ANO1: variants seen among roughly 807,000 people sequenced by gnomAD.
The protein encoded by ANO1 is anoctamin 1, also known as anoctamin-1.
ANO1 carries 59 observed loss-of-function variants against 124.0 expected under a neutral mutation model. The observed-to-expected ratio is 0.48, with a 90% confidence interval of 0.39 to 0.59. The LOEUF is 0.59. Ranked by LOEUF, ANO1 falls within the 20% of genes least tolerant of loss-of-function variation. The probability of loss-of-function intolerance (pLI) is 0.00; values close to 1 mark genes in which losing one functional copy is unlikely to be tolerated. For missense variants in ANO1, 1,059 were observed against 1,328.0 expected (o/e 0.80, Z 3.15); for synonymous variants, 529 against 532.0 (o/e 0.99, Z 0.08).
chr11:69,983,105 G>A (rs559914551), upstream of ANO1, among the ~76,000 whole-genome samples: 1 of 152,074 alleles, frequency 6.6e-6, no homozygotes, highest in African/African-American at 2.4e-5. Context: ...GCAGCATTGG[G>A]GAGCAGAGGA....
intron 1 of ANO1, among the ~76,000 whole-genome samples, chr11:70,045,981 A>C (rs1239141037): frequency 2.0e-5 from 3 of 152,182 alleles, no homozygotes; most frequent in African/African-American, 7.2e-5. Flanking sequence ...ACTGTTCAAA[A>C]ACCAAGTGAG....
At chr11:69,973,764 C>T in the ANO1 span, among the ~76,000 whole-genome samples, 2 of 151,220 alleles carry the variant, frequency 1.3e-5, no homozygotes, top group African/African-American at 2.4e-5. Flanking sequence ...CCCAGCTACT[C>T]GGGAGGCTAA....
chr11:70,180,788 A>G (rs912027847), intron 23 of ANO1, among the ~76,000 whole-genome samples: 3 of 152,252 alleles, frequency 2.0e-5, no homozygotes, highest in Admixed American at 6.5e-5. Flanking sequence ...AAAAAAGTTG[A>G]TTTTTCTCCT....
intron 1 of ANO1, among the ~76,000 whole-genome samples, chr11:69,996,275 C>T (rs1554998342): frequency 7.2e-5 from 11 of 152,210 alleles, no homozygotes. Context: ...AGTATGTTCA[C>T]ATCAGCATTC....
At chr11:70,173,553 C>T (rs2048556637) in intron 22 of ANO1, among the ~76,000 whole-genome samples, 1 of 152,208 alleles carries the variant, frequency 6.6e-6, no homozygotes, top group South Asian at 2.1e-4. Context: ...CATACCACAG[C>T]CCTCCATGGC....
At position 70,031,989 on chromosome 11, in the gene ANO1, G is replaced by C. The variant is rs114924634; in HGVS notation, c.58+45823G>C. 7.4e-3 allele frequency among the ~76,000 whole-genome samples: 1,121 copies of C among 152,216 alleles called. 14 individuals carry two copies. The highest frequency in any genetic ancestry group is 0.026 in the African/African-American group (1,072 of 41,518). ...CGGTCCATCATTTACTCACTGCTTC[G>C]TTGGACATATTCACTGTGGCTACTC... On this transcript the variant is annotated intron_variant, in intron 1 of 27. Transcript: ENST00000531349.
In ANO1 at chr11:70,149,748, C is replaced by G; in HGVS notation, c.1297C>G (p.Arg433Gly). The G allele has an allele frequency of 6.2e-7, 1 of 1,613,680 alleles. No individual in the cohort carries two copies. Residue 433 changes from arginine (R) to glycine (G), a missense_variant, in exon 12 of 26, where the codon CGA becomes GGA. Coordinates refer to ENST00000355303, the MANE Select transcript of ANO1 (RefSeq NM_018043.7). ...GGAGCACTGGAAGCGGAAACAGATGCGACTCAACTACCGCTGGGACCTCAC... is the reference window on the plus strand; with the variant it reads ...GGAGCACTGGAAGCGGAAACAGATGGGACTCAACTACCGCTGGGACCTCAC... ...FMEHWKRKQM[R>G]LNYRWDLTGF...
chr11:69,999,767 G>A (rs1375328295), intron 1 of ANO1, among the ~76,000 whole-genome samples: 1 of 152,146 alleles, frequency 6.6e-6, no homozygotes, highest in African/African-American at 2.4e-5. Context: ...TTTTCTTTCT[G>A]CTGCAAATTG....
In ANO1 at chr11:70,185,585, T is replaced by G. The variant is rs751381958; in HGVS notation, c.2589-5T>G. The G allele has an allele frequency of 1.2e-6, 2 of 1,612,630 alleles. No homozygotes were observed. Among genetic ancestry groups the G allele is most frequent in the Non-Finnish European group, 8.5e-7 (1 of 1,178,906 alleles). On this transcript the variant is annotated splice_polypyrimidine_tract_variant and splice_region_variant and intron_variant, in intron 24 of 25. Coordinates refer to ENST00000355303, the MANE Select transcript of ANO1 (RefSeq NM_018043.7). ...CACCCTCGACTCCACCACGGTCTTTTGCAGGTATAAAGACTACCGAGAGCC... is the reference window on the plus strand; with the variant it reads ...CACCCTCGACTCCACCACGGTCTTTGGCAGGTATAAAGACTACCGAGAGCC...
At chr11:70,109,289 G>A (rs2045678181) in intron 6 of ANO1, among the ~76,000 whole-genome samples, 1 of 152,200 alleles carries the variant, frequency 6.6e-6, no homozygotes, top group Non-Finnish European at 1.5e-5. Context: ...AAAATGAAGA[G>A]CAGTGGGAGT....
intron 17 of ANO1, 97 bp from the exon 18 acceptor site, chr11:70,161,525 G>A (rs1186462761): frequency 1.3e-5 from 19 of 1,435,496 alleles, no homozygotes; most frequent in Admixed American, 1.7e-5. Context: ...TATGAGAGCC[G>A]ACTGAGTGAC....
intron 12 of ANO1, among the ~76,000 whole-genome samples, chr11:70,150,113 G>A (rs1439744073): frequency 6.6e-6 from 1 of 152,174 alleles, no homozygotes; most frequent in Non-Finnish European, 1.5e-5. Flanking sequence ...TCTGGGGGCT[G>A]CCTGGGCTGT....
chr11:70,185,353 A>C (rs1209159106), intron 24 of ANO1, among the ~76,000 whole-genome samples: 1 of 152,190 alleles, frequency 6.6e-6, no homozygotes, highest in Non-Finnish European at 1.5e-5. Context: ...TGTGTTTTAC[A>C]TGAAGCCCGT....
chr11:69,998,929 CAA>C (rs1367085811), intron 1 of ANO1, among the ~76,000 whole-genome samples: 1 of 150,524 alleles, frequency 6.6e-6, no homozygotes, highest in African/African-American at 2.5e-5. Flanking sequence ...GCCTGGGCAA[CAA>C]GAGCAAAACT....
chr11:70,181,285 T>C (rs2048919398), intron 23 of ANO1, among the ~76,000 whole-genome samples: 1 of 152,042 alleles, frequency 6.6e-6, no homozygotes, highest in South Asian at 2.1e-4. Context: ...TGATGCCAAG[T>C]CAGGGTCTCA....
At chr11:70,075,038 G>A (rs541598065), upstream of ANO1, 21 of 152,340 alleles carry the variant, frequency 1.4e-4, no homozygotes, top group African/African-American at 3.8e-4. Context: ...AAGGCCATGC[G>A]GTTGGTTAAT....
intron 2 of ANO1, 35 bp from the exon 3 acceptor site, chr11:70,103,029 GCC>G (rs55698329): frequency 0.73 from 1,078,100 of 1,468,684 alleles, 398,389 homozygotes; most frequent in Middle Eastern, 0.81. Flanking sequence ...GAGATGCACC[GCC>G]CCCCCTCAAC....
At chr11:70,068,644 C>T (rs1197945796) in intron 1 of ANO1, among the ~76,000 whole-genome samples, 1 of 152,030 alleles carries the variant, frequency 6.6e-6, no homozygotes, top group Non-Finnish European at 1.5e-5. Context: ...AAGTCCAGCC[C>T]AAGAGAATAC....
intron 1 of ANO1, among the ~76,000 whole-genome samples, chr11:70,086,584 G>T (rs546611903): frequency 1.5e-4 from 23 of 152,322 alleles, no homozygotes; most frequent in Admixed American, 1.2e-3. Flanking sequence ...AGGTGCTGCC[G>T]CAGGCCACGT....
Sources: gnomAD v4.1 joint callset for allele counts (sites outside exome capture counted in the v4.1 genomes callset) on GRCh38, gnomAD v4.1.1 for gene constraint, MANE v1.5 for transcripts, NCBI Gene and HGNC (gene_info 2026-07-23, HGNC 2026-07-21) for gene names.